DISC1: variants seen among roughly 807,000 people sequenced by gnomAD.
The protein encoded by DISC1 is disrupted in schizophrenia 1 protein.
A neutral mutation model predicts 84.5 loss-of-function variants in DISC1; 57 were observed. The ratio of observed to expected loss-of-function variants is 0.67; its 90% CI spans 0.55 to 0.84. The LOEUF is 0.84. Among genes scored for constraint, DISC1 ranks in the 40% least tolerant of loss-of-function variants. The probability of loss-of-function intolerance (pLI) is 0.00; values close to 1 mark genes in which losing one functional copy is unlikely to be tolerated. For synonymous variants in DISC1, 411 were observed against 415.2 expected (o/e 0.99, Z 0.12); for missense variants, 1,000 against 1,057.8 (o/e 0.95, Z 0.76).
chr1:231,659,774 A>G (rs566217600), intron 1 of DISC1, among the ~76,000 whole-genome samples: 3 of 152,222 alleles, frequency 2.0e-5, no homozygotes, highest in African/African-American at 7.2e-5. Flanking sequence ...GTTTCCATGT[A>G]GTTGTGTGGT....
chr1:231,720,696 G>C (rs1202935907), intron 3 of DISC1, among the ~76,000 whole-genome samples: 1 of 152,046 alleles, frequency 6.6e-6, no homozygotes, highest in African/African-American at 2.4e-5. Context: ...ACTACTTTTA[G>C]TTTTCTACCA....
chr1:232,025,448 T>A (rs1194783874), intron 11 of DISC1, among the ~76,000 whole-genome samples: 2 of 151,936 alleles, frequency 1.3e-5, no homozygotes, highest in Non-Finnish European at 2.9e-5. Context: ...CTCATAGAAA[T>A]AAGTTTGAAG....
intron 2 of DISC1, among the ~76,000 whole-genome samples, chr1:231,697,208 A>C (rs1461932030): frequency 6.6e-6 from 1 of 152,178 alleles, no homozygotes; most frequent in Non-Finnish European, 1.5e-5. Flanking sequence ...ATCCTTTGAA[A>C]GAGTAGGATT....
intron 3 of DISC1, chr1:231,722,738 T>A (rs963381255): frequency 6.5e-7 from 1 of 1,531,592 alleles, no homozygotes; most frequent in Admixed American, 2.0e-5. Context: ...GGTAGCATCA[T>A]ATTCCTCTCC....
chr1:231,883,210 A>G (rs747829796), intron 9 of DISC1, among the ~76,000 whole-genome samples: 7 of 152,134 alleles, frequency 4.6e-5, no homozygotes, highest in Non-Finnish European at 7.3e-5. Context: ...TTGAATAACC[A>G]TTCATTCATT....
chr1:231,978,461 A>G (rs1212218161), intron 10 of DISC1, among the ~76,000 whole-genome samples: 2 of 152,174 alleles, frequency 1.3e-5, no homozygotes, highest in Admixed American at 6.5e-5. Flanking sequence ...TTGAGGTACA[A>G]TTTATGAAAG....
intron 3 of DISC1, among the ~76,000 whole-genome samples, chr1:231,704,759 CAAAAA>C (rs146300199): frequency 8.2e-4 from 20 of 24,324 alleles, no homozygotes; most frequent in African/African-American, 1.3e-3. Context: ...GACTCCGTCT[CAAAAA>C]AAAAAAAAAA....
intron 10 of DISC1, among the ~76,000 whole-genome samples, chr1:231,968,013 A>T (rs1352917725): frequency 6.6e-6 from 1 of 152,222 alleles, no homozygotes; most frequent in Non-Finnish European, 1.5e-5. Flanking sequence ...GTATTAACTG[A>T]TATGTATATA....
chr1:231,975,014 T>G (rs552271773), intron 10 of DISC1, among the ~76,000 whole-genome samples: 23 of 152,244 alleles, frequency 1.5e-4, no homozygotes, highest in African/African-American at 5.3e-4. Context: ...ACAGGAGGAT[T>G]GCTTGAACCT....
At chr1:232,029,538 A>G (rs759199214) in intron 12 of DISC1, among the ~76,000 whole-genome samples, 1 of 152,240 alleles carries the variant, frequency 6.6e-6, no homozygotes, top group Non-Finnish European at 1.5e-5. Context: ...TGTGGCTGAA[A>G]GAAACAGCTT....
chr1:231,938,730 C>A lies in DISC1; in HGVS notation c.1982-20098C>A, dbSNP rs1276090627. 2.0e-5 allele frequency among the ~76,000 whole-genome samples: 3 copies of A among 152,142 alleles called. No individual in the cohort carries two copies. The East Asian group carries it at 5.8e-4, about 29-fold the overall frequency. ...ACAGCGATAAAACCAATCCACCCAC[C>A]ACCAATGGTCTTATGATTCTAATAG... On this transcript the variant is annotated intron_variant, in intron 9 of 12. Transcript: ENST00000439617.
At chr1:231,689,227 A>G (rs1407284830) in intron 1 of DISC1, among the ~76,000 whole-genome samples, 1 of 152,112 alleles carries the variant, frequency 6.6e-6, no homozygotes, top group African/African-American at 2.4e-5. Flanking sequence ...TATTTGGTGC[A>G]TTCCCTGCAG....
Position 231,846,442 on chromosome 1 carries a change from A to G in DISC1, c.1981+27925A>G, listed in dbSNP as rs1039252532. ...TACTTTTTCTATAATTTCTGCCACT[A>G]CATAACTGCCAAAGTTAAAGGTGGA... On this transcript the variant is annotated intron_variant, in intron 9 of 12. Coordinates refer to ENST00000439617, the MANE Select transcript of DISC1 (RefSeq NM_018662.3). Among the ~76,000 whole-genome samples the G allele has an allele frequency of 2.0e-5, 3 of 152,196 alleles. No individual in the cohort carries two copies. In the South Asian group the frequency reaches 6.2e-4, roughly 31 times the overall value.
At chr1:231,670,812 T>C (rs1335832907) in intron 1 of DISC1, 1 of 152,240 alleles carries the variant, frequency 6.6e-6, no homozygotes, top group Admixed American at 6.5e-5. Context: ...TCCATTGTCA[T>C]GATTTATTGC....
Position 231,694,851 on chromosome 1 carries a change from A to G in DISC1, c.1047+46A>G, listed in dbSNP as rs754619608. ...TGTGGCCCGAGATTGTCGTGAGCTC[A>G]GATTAGCACTGGGCAGACGGCAGGA... On this transcript the variant is annotated intron_variant, in intron 2 of 12. Transcript: ENST00000439617. 13 of 1,602,860 alleles carry G rather than the reference A, an allele frequency of 8.1e-6. No individual in the cohort carries two copies. In the South Asian group the frequency reaches 1.5e-4, roughly 18 times the overall value.
intron 1 of DISC1, among the ~76,000 whole-genome samples, chr1:231,679,730 A>G (rs2063505800): frequency 1.3e-5 from 2 of 152,192 alleles, no homozygotes; most frequent in African/African-American, 4.8e-5. Context: ...AGTACTTGAA[A>G]ACAGTTTGCT....
chr1:231,627,037 T>C (rs912233599), intron 1 of DISC1, 103 bp downstream of exon 1: 2 of 753,822 alleles, frequency 2.7e-6, no homozygotes, highest in Non-Finnish European at 2.0e-6. Context: ...CGTGCCTCTG[T>C]TAACAACCCC....
rs1670644102 is a variant in DISC1 at position 232,038,258 on chromosome 1, CAGTAATGCAA to C, written c.*1428_*1437del. 6.6e-6 allele frequency: 1 copy of C among 152,132 alleles called. No homozygotes were observed. Among genetic ancestry groups the C allele is most frequent in the African/African-American group, 2.4e-5 (1 of 41,418 alleles). The allele number at this position is 152,132 out of a possible 1,614,324, so 9.4% of individuals were successfully genotyped here. A position where few individuals can be genotyped will look rare whatever the true frequency, so the allele number is the denominator to read the frequency against. Reference sequence around the variant, plus strand: ...GTACTCAGTAAATCAGTGCAGTACTCAGTAATGCAAGGGCATTTCAGGCTCCTGCTGGGCT... The same window carrying C: ...GTACTCAGTAAATCAGTGCAGTACTCGGGCATTTCAGGCTCCTGCTGGGCT... On this transcript the variant is annotated 3_prime_UTR_variant, in exon 13 of 13. Transcript: ENST00000439617.
intron 10 of DISC1, among the ~76,000 whole-genome samples, chr1:231,966,829 C>G (rs561219292): frequency 6.6e-6 from 1 of 152,326 alleles, no homozygotes; most frequent in East Asian, 1.9e-4. Flanking sequence ...TGTTTGTGTC[C>G]TTGTCCTCTA....
Sources: gnomAD v4.1 joint callset for allele counts (sites outside exome capture counted in the v4.1 genomes callset) on GRCh38, gnomAD v4.1.1 for gene constraint, MANE v1.5 for transcripts, NCBI Gene and HGNC (gene_info 2026-07-23, HGNC 2026-07-21) for gene names.